The following TACC2 variants were observed in gnomAD, a reference collection of about 807,000 sequenced individuals.
TACC2 encodes transforming acidic coiled-coil-containing protein 2.
TACC2 carries 137 observed loss-of-function variants against 227.3 expected under a neutral mutation model. The ratio of observed to expected loss-of-function variants is 0.60; its 90% CI spans 0.52 to 0.69. The LOEUF (loss-of-function observed/expected upper bound fraction) is 0.69, where lower values mean the gene tolerates loss of function less well. Ranked by LOEUF, TACC2 falls within the 30% of genes least tolerant of loss-of-function variation. The pLI is 0.00. For missense variants in TACC2, 3,470 were observed against 3,694.4 expected, an observed-to-expected ratio of 0.94 and a Z score of 1.57; for synonymous variants, 1,523 against 1,487.5, an observed-to-expected ratio of 1.02 and a Z score of -0.55.
intron 1 of TACC2, among the ~76,000 whole-genome samples, chr10:122,017,402 C>T (rs1187356756): frequency 1.3e-5 from 2 of 152,160 alleles, no homozygotes; most frequent in African/African-American, 4.8e-5. Flanking sequence ...GGAGTAGCCC[C>T]TAGTTCTTCT....
At position 122,083,051 on chromosome 10, in the gene TACC2, A is replaced by T. The variant is rs780809477; in HGVS notation, c.551A>T (p.Gln184Leu). The T allele has an allele frequency of 6.2e-7, 1 of 1,612,624 alleles. No individual in the cohort carries two copies. The highest frequency in any genetic ancestry group is 1.3e-5 in the African/African-American group (1 of 74,938). Residue 184 changes from glutamine (Q) to leucine (L), a missense_variant, in exon 4 of 23, where the codon CAG (glutamine) becomes CTG (leucine). By Grantham distance (113) the Gln-to-Leu change is moderately radical. This residue lies in a region of TACC2 where 405 missense variants were observed against 389.6 expected (regional missense o/e 1.04). Coordinates refer to ENST00000369005, the MANE Select transcript of TACC2 (RefSeq NM_206862.4). ...GRERQPKEEG[Q>L]KSSFSFSSGI... Reference sequence around the variant, plus strand: ...GAGAGACAGCCGAAGGAAGAAGGACAGAAGTCCTCCTTCTCCTTCTCCAGT... The same window carrying T: ...GAGAGACAGCCGAAGGAAGAAGGACTGAAGTCCTCCTTCTCCTTCTCCAGT...
rs751443504 is a variant in TACC2, at chr10:122,087,135, T to C, written c.4635T>C (p.Ala1545=). The C allele has an allele frequency of 6.2e-7, 1 of 1,610,956 alleles. No homozygotes were observed. The highest frequency in any genetic ancestry group is 8.5e-7 in the Non-Finnish European group (1 of 1,179,110). The change falls in exon 4 of 23, where the codon GCT becomes GCC. Residue 1545 remains alanine, a synonymous_variant. Transcript: ENST00000369005. ...CCTGGCCAGGCCTGGAAGGCCAGGC[T>C]TACTCACAGCTGGAGAGGAGCAGGC... ...GAAWPGLEGQ[A]YSQLERSRQE...
rs2095656017 is a variant in TACC2 at position 122,227,697 on chromosome 10, C to T, written c.7725-140C>T. 1.8e-5 allele frequency: 16 copies of T among 900,864 alleles called. No homozygotes were observed. The South Asian group carries it at 2.5e-4, about 14-fold the overall frequency. 55.8% of individuals were successfully genotyped at this position (900,864 alleles called of 1,614,324 possible). ...GGGTGACTGCCCAGCCTAGAGGCTG[C>T]ATGGCCACTGGAGACCTGGCTCATA... is the stretch of plus-strand genomic sequence containing the variant. On this transcript the variant is annotated intron_variant, in intron 13 of 22. Transcript: ENST00000369005.
At chr10:122,034,697 C>T (rs34354213) in intron 2 of TACC2, among the ~76,000 whole-genome samples, 54,603 of 151,404 alleles carry the variant, frequency 0.36, 10,294 homozygotes, top group South Asian at 0.46. Context: ...TTTGGGAGGC[C>T]GAGGTGGGTG....
chr10:122,016,961 A>G (rs1956726993), intron 1 of TACC2, among the ~76,000 whole-genome samples: 1 of 152,204 alleles, frequency 6.6e-6, no homozygotes, highest in African/African-American at 2.4e-5. Flanking sequence ...AAGAGGGAAG[A>G]CCATGTGAAG....
chr10:122,188,641 A>G (rs1221467874), intron 7 of TACC2, among the ~76,000 whole-genome samples: 2 of 152,182 alleles, frequency 1.3e-5, no homozygotes, highest in African/African-American at 2.4e-5. Flanking sequence ...ACTGTATTCA[A>G]TTAACACCTG....
At chr10:122,146,389 C>G (rs1386713746) in intron 7 of TACC2, among the ~76,000 whole-genome samples, 1 of 152,056 alleles carries the variant, frequency 6.6e-6, no homozygotes, top group Non-Finnish European at 1.5e-5. Context: ...CATGCTGAAA[C>G]TTAACCCCCA....
intron 7 of TACC2, among the ~76,000 whole-genome samples, chr10:122,149,737 C>T (rs944038835): frequency 1.3e-5 from 2 of 152,268 alleles, no homozygotes; most frequent in African/African-American, 4.8e-5. Flanking sequence ...AGATGAGCCT[C>T]TCTGCCTCAC....
intron 14 of TACC2, among the ~76,000 whole-genome samples, chr10:122,228,707 T>G (rs1336458947): frequency 6.6e-6 from 1 of 152,190 alleles, no homozygotes; most frequent in Non-Finnish European, 1.5e-5. Flanking sequence ...GTAGGCCATT[T>G]CTCTTGTGCA....
At chr10:121,999,047 T>G (rs908513683) in intron 1 of TACC2, among the ~76,000 whole-genome samples, 5 of 151,468 alleles carry the variant, frequency 3.3e-5, no homozygotes, top group African/African-American at 1.2e-4. Flanking sequence ...TCTTGCTCTG[T>G]CGCCAGGCTG....
rs573291646 is a variant in TACC2 at position 122,139,826 on chromosome 10, T to C, written c.5700-3746T>C. On this transcript the variant is annotated intron_variant, in intron 6 of 22. Transcript: ENST00000369005. ...CCATCTGGCCAACAGGACTGATGTG[T>C]TTGGCCTGCACCTTGGGGGCTGTTA... 6.6e-5 allele frequency among the ~76,000 whole-genome samples: 10 copies of C among 152,270 alleles called. 1 individual carries two copies. In the South Asian group the frequency reaches 2.1e-3, roughly 32 times the overall value.
In TACC2 at chr10:122,085,047, C is replaced by T. The variant is rs142075625; in HGVS notation, c.2547C>T (p.Ala849=). The T allele has an allele frequency of 6.2e-7, 1 of 1,614,116 alleles. No individual in the cohort carries two copies. The highest frequency in any genetic ancestry group is 2.2e-5 in the East Asian group (1 of 44,872). Residue 849 remains alanine, a synonymous_variant, in exon 4 of 23, where the codon GCC becomes GCT. Coordinates refer to ENST00000369005, the MANE Select transcript of TACC2 (RefSeq NM_206862.4). ...TSIFDVLKEQ[A]QPPENGKETS... ...TCTTTGACGTGCTCAAGGAGCAGGC[C>T]CAGCCACCTGAAAATGGGAAAGAGA... is the stretch of plus-strand genomic sequence containing the variant.
At chr10:122,182,115 G>A (rs117164308) in intron 7 of TACC2, among the ~76,000 whole-genome samples, 36 of 152,330 alleles carry the variant, frequency 2.4e-4, no homozygotes, top group Non-Finnish European at 4.6e-4. Flanking sequence ...GAGACACACA[G>A]TAGACCACAG....
chr10:122,222,712 T>C (rs948307812), intron 11 of TACC2, among the ~76,000 whole-genome samples: 1 of 152,092 alleles, frequency 6.6e-6, no homozygotes, highest in Non-Finnish European at 1.5e-5. Flanking sequence ...GCGAGCTGGT[T>C]ACCAGAGCCG....
chr10:122,004,585 C>T (rs1442899430), intron 1 of TACC2, among the ~76,000 whole-genome samples: 1 of 152,112 alleles, frequency 6.6e-6, no homozygotes, highest in Non-Finnish European at 1.5e-5. Flanking sequence ...CCCCACACCC[C>T]ATCCCCCAGA....
chr10:122,198,746 C>G (rs760062031), intron 8 of TACC2, among the ~76,000 whole-genome samples: 2 of 152,258 alleles, frequency 1.3e-5, no homozygotes, highest in African/African-American at 2.4e-5. Context: ...CCAGACTGCT[C>G]TCTGCGCAGG....
At chr10:122,061,020 G>GT (rs2076745850) in intron 3 of TACC2, among the ~76,000 whole-genome samples, 2 of 7,000 alleles carry the variant, frequency 2.9e-4, no homozygotes, top group Admixed American at 1.7e-3. Context: ...AAAAAAAAAA[G>GT]GGGGGGGGGC....
intron 5 of TACC2, among the ~76,000 whole-genome samples, chr10:122,122,052 C>T (rs1019840475): frequency 6.6e-6 from 1 of 152,178 alleles, no homozygotes; most frequent in South Asian, 2.1e-4. Flanking sequence ...ATCTCCTCTC[C>T]TCTTCTATAA....
rs1364004763 is a variant in TACC2, at chr10:122,132,688, C to G, written c.5653C>G (p.His1885Asp). The change falls in exon 6 of 23, where the codon CAC (histidine) becomes GAC (aspartate). Residue 1885 changes from histidine (H) to aspartate (D), a missense_variant. Transcript: ENST00000369005. ...ESPTLAASSY[H>D]GDVVGQVSTD... ...CCCAACCTTAGCTGCCTCTTCCTACCACGGTGATGTTGTTGGCCAGGTCTC... is the reference window on the plus strand; with the variant it reads ...CCCAACCTTAGCTGCCTCTTCCTACGACGGTGATGTTGTTGGCCAGGTCTC... 1 of 1,614,208 alleles carries G rather than the reference C, an allele frequency of 6.2e-7. No homozygotes were observed. The highest frequency in any genetic ancestry group is 2.2e-5 in the East Asian group (1 of 44,880).
Sources: gnomAD v4.1 joint callset for allele counts (sites outside exome capture counted in the v4.1 genomes callset) on GRCh38, gnomAD v4.1.1 for gene constraint, gnomAD v4.1.1 regional missense constraint, MANE v1.5 for transcripts, NCBI Gene and HGNC (gene_info 2026-07-23, HGNC 2026-07-21) for gene names.